Variants in IKZF1 observed in about 807,000 individuals in gnomAD.
IKZF1 encodes IKAROS family zinc finger 1, also known as DNA-binding protein Ikaros.
In IKZF1, 10 loss-of-function variants were observed where a neutral mutation model predicts 51.7. The observed-to-expected ratio is 0.19, with a 90% CI of 0.12 to 0.33. IKZF1 has a LOEUF of 0.33. IKZF1 is among the 10% of genes least tolerant of loss of function. The probability of loss-of-function intolerance (pLI) is 1.00; values close to 1 mark genes in which losing one functional copy is unlikely to be tolerated. For synonymous variants in IKZF1, 280 were observed against 282.3 expected (o/e 0.99, Z 0.08); for missense variants, 484 against 707.5 (o/e 0.68, Z 3.58).
chr7:50,362,617 T>C (rs1805598677), intron 3 of IKZF1, among the ~76,000 whole-genome samples: 1 of 152,224 alleles, frequency 6.6e-6, no homozygotes, highest in South Asian at 2.1e-4. Context: ...TTAAAGCATT[T>C]TTCCATAAGG....
intron 2 of IKZF1, among the ~76,000 whole-genome samples, chr7:50,325,295 A>G (rs1180712813): frequency 6.7e-6 from 1 of 150,250 alleles, no homozygotes; most frequent in Non-Finnish European, 1.5e-5. Context: ...AAAAAAAAAA[A>G]ATTCCTCTGA....
chr7:50,315,056 TCGGCTTGCC>T (rs1269618128), intron 1 of IKZF1, among the ~76,000 whole-genome samples: 1 of 152,280 alleles, frequency 6.6e-6, no homozygotes, highest in African/African-American at 2.4e-5. Context: ...CCCTGTGCTG[TCGGCTTGCC>T]CGGCTTGCCC....
intron 1 of IKZF1, among the ~76,000 whole-genome samples, chr7:50,314,772 G>C (rs1383145997): frequency 6.6e-6 from 1 of 152,228 alleles, no homozygotes; most frequent in East Asian, 1.9e-4. Context: ...GTTCGGTGGA[G>C]CTCTGGCCAC....
intron 1 of IKZF1, among the ~76,000 whole-genome samples, chr7:50,316,762 T>C (rs1791661126): frequency 6.6e-6 from 1 of 152,256 alleles, no homozygotes; most frequent in Admixed American, 6.5e-5. Context: ...TCTGTCTCCA[T>C]GCAGCAAACT....
intron 3 of IKZF1, among the ~76,000 whole-genome samples, chr7:50,352,199 A>G (rs1404491940): frequency 2.6e-5 from 4 of 152,176 alleles, no homozygotes; most frequent in African/African-American, 9.7e-5. Flanking sequence ...CCTGAACCTC[A>G]CTTCTGAAAA....
intron 4 of IKZF1, among the ~76,000 whole-genome samples, chr7:50,380,883 C>T (rs1211251308): frequency 6.6e-6 from 1 of 152,232 alleles, no homozygotes; most frequent in Non-Finnish European, 1.5e-5. Flanking sequence ...TATTGATTTA[C>T]ATGCATCGGT....
intron 3 of IKZF1, among the ~76,000 whole-genome samples, chr7:50,339,441 G>C (rs1226890581): frequency 6.6e-6 from 1 of 152,112 alleles, no homozygotes; most frequent in Non-Finnish European, 1.5e-5. Context: ...TAGTTTGGTT[G>C]CTGGGGGAGT....
intron 5 of IKZF1, 24 bp downstream of exon 5, chr7:50,382,731 G>A: frequency 2.5e-6 from 4 of 1,589,208 alleles, no homozygotes; most frequent in Non-Finnish European, 3.4e-6. Context: ...ATGCAGTCCG[G>A]GGCTGTCTGG....
chr7:50,309,680 G>A (rs2153332131), intron 1 of IKZF1, among the ~76,000 whole-genome samples: 1 of 152,306 alleles, frequency 6.6e-6, no homozygotes, highest in Non-Finnish European at 1.5e-5. Context: ...TTAGAGTCCT[G>A]TTCTGAAGCT....
intron 3 of IKZF1, among the ~76,000 whole-genome samples, chr7:50,363,502 G>T (rs994195898): frequency 2.0e-5 from 3 of 152,192 alleles, no homozygotes; most frequent in African/African-American, 7.2e-5. Flanking sequence ...GCCCTGGGGA[G>T]CTTAGATGTG....
chr7:50,326,392 T>C (rs1188556269), intron 2 of IKZF1, among the ~76,000 whole-genome samples: 3 of 152,224 alleles, frequency 2.0e-5, no homozygotes, highest in African/African-American at 7.2e-5. Flanking sequence ...AGGACCTTCA[T>C]CTAAAATGGT....
chr7:50,368,157 G>A (rs1322929022), intron 3 of IKZF1: 18 of 703,252 alleles, frequency 2.6e-5, no homozygotes, highest in Middle Eastern at 2.3e-4. Context: ...ATCAACCCCC[G>A]AGATACATTA....
At chr7:50,334,403 A>ATATG (rs1797097444) in intron 3 of IKZF1, among the ~76,000 whole-genome samples, 2 of 151,676 alleles carry the variant, frequency 1.3e-5, no homozygotes, top group African/African-American at 4.8e-5. Context: ...TGATGTATGT[A>ATATG]TATGTATGTG....
intron 3 of IKZF1, among the ~76,000 whole-genome samples, chr7:50,350,117 T>C (rs1469621751): frequency 6.6e-6 from 1 of 152,202 alleles, no homozygotes; most frequent in African/African-American, 2.4e-5. Context: ...CAGGCTGGGC[T>C]TGAATCCCAT....
chr7:50,330,434 G>C (rs912314381), intron 3 of IKZF1, among the ~76,000 whole-genome samples: 3 of 152,144 alleles, frequency 2.0e-5, no homozygotes, highest in African/African-American at 7.2e-5. Flanking sequence ...AAGCAAAAAA[G>C]ATGCAAAAGC....
At chr7:50,358,452 C>G (rs1054407456) in intron 3 of IKZF1, among the ~76,000 whole-genome samples, 18 of 152,352 alleles carry the variant, frequency 1.2e-4, no homozygotes, top group African/African-American at 4.3e-4. Flanking sequence ...TTCCTGAGCG[C>G]CAGCTAATGG....
In IKZF1 at chr7:50,391,799, C is replaced by G. The variant is rs150385329; in HGVS notation, c.786C>G (p.Leu262=). ...GCAAGATAGGATCAGAGAGATCTCT[C>G]GTGCTGGACAGACTAGCAAGTAACG... ...DLCKIGSERS[L]VLDRLASNVA... Residue 262 remains leucine (L), a synonymous_variant, in exon 7 of 8, where the codon CTC becomes CTG. Coordinates refer to ENST00000331340, the MANE Select transcript of IKZF1 (RefSeq NM_006060.6). The G allele has an allele frequency of 4.3e-6, 7 of 1,613,982 alleles. No homozygotes were observed. Among genetic ancestry groups the G allele is most frequent in the South Asian group, 3.3e-5 (3 of 91,088 alleles).
At chr7:50,368,687 A>T in intron 3 of IKZF1, 1 of 280,666 alleles carries the variant, frequency 3.6e-6, no homozygotes, top group Non-Finnish European at 6.7e-6. Context: ...GAGCTGATAA[A>T]TGATAAATAT....
chr7:50,381,989 A>G (rs1414170413), intron 4 of IKZF1, among the ~76,000 whole-genome samples: 1 of 152,350 alleles, frequency 6.6e-6, no homozygotes, highest in Admixed American at 6.5e-5. Context: ...AAGAAATTGA[A>G]AGGGAAAATA....
Sources: allele counts gnomAD v4.1 joint callset (sites outside exome capture counted in the v4.1 genomes callset), GRCh38; gene constraint gnomAD v4.1.1; transcripts MANE v1.5; gene names NCBI Gene and HGNC (gene_info 2026-07-23, HGNC 2026-07-21).